CEP290: variants seen among roughly 807,000 people sequenced by gnomAD.
CEP290 encodes the protein centrosomal protein 290.
Under a neutral mutation model 344.9 loss-of-function variants are expected in CEP290, and 317 were observed. The observed-to-expected ratio is 0.92, with a 90% CI of 0.84 to 1.01. The LOEUF is 1.01. Among genes scored for constraint, CEP290 ranks in the 50% least tolerant of loss-of-function variants. The pLI, the probability that CEP290 is intolerant of heterozygous loss-of-function variation, is 0.00. For synonymous variants in CEP290, 932 were observed against 895.8 expected (o/e 1.04, Z -0.72); for missense variants, 2,754 against 2,761.4 (o/e 1.00, Z 0.06).
intron 43 of CEP290, among the ~76,000 whole-genome samples, chr12:88,069,325 A>G (rs1230442926): frequency 6.6e-6 from 1 of 152,176 alleles, no homozygotes; most frequent in Non-Finnish European, 1.5e-5. Flanking sequence ...GAGAGAAGAC[A>G]AATTCAATCT....
chr12:88,068,705 A>G, intron 43 of CEP290, 60 bp from the exon 44 acceptor site: 5 of 1,498,596 alleles, frequency 3.3e-6, no homozygotes, highest in East Asian at 2.5e-5. Context: ...CTGTTGTACT[A>G]TATAAAAATA....
chr12:88,084,213 G>C (rs999492589), intron 35 of CEP290, among the ~76,000 whole-genome samples: 2 of 151,988 alleles, frequency 1.3e-5, no homozygotes, highest in African/African-American at 4.8e-5. Flanking sequence ...CTTACTTCTA[G>C]AAAAAATTAA....
In CEP290 at chr12:88,092,838, G is replaced by C. The variant is rs774139392; in HGVS notation, c.3310-6C>G. On this transcript the variant is annotated splice_polypyrimidine_tract_variant and splice_region_variant and intron_variant, in intron 28 of 53. Coordinates refer to ENST00000552810, the MANE Select transcript of CEP290 (RefSeq NM_025114.4). Reference sequence around the variant, plus strand: ...TCCAAATTGATTTTGGTAAGCTAAGGAAATGTAACAAAAAATGTTCAGATA... The same window carrying C: ...TCCAAATTGATTTTGGTAAGCTAAGCAAATGTAACAAAAAATGTTCAGATA... 1 of 1,606,658 alleles carries C rather than the reference G, an allele frequency of 6.2e-7. No individual in the cohort carries two copies.
chr12:88,121,551 C>T (rs2039400049), intron 13 of CEP290, among the ~76,000 whole-genome samples: 1 of 149,346 alleles, frequency 6.7e-6, no homozygotes, highest in African/African-American at 2.5e-5. Flanking sequence ...CACTTACACA[C>T]AAGCAGCTAT....
At chr12:88,115,518 G>C in intron 18 of CEP290, 1 of 1,295,332 alleles carries the variant, frequency 7.7e-7, no homozygotes, top group Non-Finnish European at 1.0e-6. Context: ...CTCTATATCT[G>C]CATTTCTACA....
At chr12:88,132,643 T>C (rs2040143065) in intron 6 of CEP290, among the ~76,000 whole-genome samples, 1 of 152,140 alleles carries the variant, frequency 6.6e-6, no homozygotes, top group African/African-American at 2.4e-5. Context: ...TGTGTAAAAA[T>C]ACTGACAAAA....
intron 37 of CEP290, among the ~76,000 whole-genome samples, chr12:88,081,190 C>A (rs2036174545): frequency 2.0e-5 from 3 of 152,108 alleles, no homozygotes. Context: ...CCATGACAAT[C>A]AAAAATGTCT....
At position 88,049,037 on chromosome 12, in the gene CEP290, TTTTA is replaced by T. The variant is rs886049876; in HGVS notation, c.*143_*146del. The T allele has an allele frequency of 6.1e-5, 27 of 444,356 alleles. No individual in the cohort carries two copies. In the Middle Eastern group the frequency reaches 1.8e-3, roughly 29 times the overall value. 27.5% of individuals were successfully genotyped at this position (444,356 alleles called of 1,614,324 possible). On this transcript the variant is annotated 3_prime_UTR_variant, in exon 54 of 54. Transcript: ENST00000552810. ...ATAATAAGTTGAAAATTTCATATAATTTTATTTATTAAGAATTCCAATCTAAGTA... is the reference window on the plus strand; with the variant it reads ...ATAATAAGTTGAAAATTTCATATAATTTTATTAAGAATTCCAATCTAAGTA...
rs2034578516 is a variant in CEP290 at position 88,062,764 on chromosome 12, A to C, written c.6285T>G (p.Asp2095Glu). Residue 2095 changes from aspartate (D) to glutamate (E), a missense_variant, in exon 46 of 54, where the codon GAT becomes GAG. Coordinates refer to ENST00000552810, the MANE Select transcript of CEP290 (RefSeq NM_025114.4). Reference sequence around the variant, plus strand: ...TAAGAAATTCACACATTTCCTTCAAATCTCTGACTTGATTCTGAAAGATAA... The same window carrying C: ...TAAGAAATTCACACATTTCCTTCAACTCTCTGACTTGATTCTGAAAGATAA... ...DLPRLKNQVR[D>E]LKEMCEFLKK... 2 of 1,579,618 alleles carry C rather than the reference A, an allele frequency of 1.3e-6. No individual in the cohort carries two copies. The highest frequency in any genetic ancestry group is 2.7e-5 in the African/African-American group (2 of 74,498).
chr12:88,057,433 A>T (rs949415317), intron 49 of CEP290, among the ~76,000 whole-genome samples: 4 of 152,246 alleles, frequency 2.6e-5, no homozygotes, highest in Non-Finnish European at 5.9e-5. Flanking sequence ...TGATTATAGA[A>T]GAAAACAAAG....
chr12:88,110,505 G>A (rs950782912), intron 22 of CEP290, among the ~76,000 whole-genome samples: 1 of 152,008 alleles, frequency 6.6e-6, no homozygotes, highest in East Asian at 1.9e-4. Flanking sequence ...GAGACCAGGA[G>A]TTTGAGACCA....
At chr12:88,060,763 A>G in intron 47 of CEP290, 67 bp downstream of exon 47, 1 of 1,223,872 alleles carries the variant, frequency 8.2e-7, no homozygotes, top group Non-Finnish European at 1.1e-6. Flanking sequence ...AGCATATTTG[A>G]AATTTTCCTA....
chr12:88,072,007 T>A, intron 41 of CEP290, 81 bp from the exon 42 acceptor site: 2 of 1,289,172 alleles, frequency 1.6e-6, no homozygotes, highest in Non-Finnish European at 2.1e-6. Flanking sequence ...ATAATTTGCC[T>A]AGAAAAATTG....
At position 88,140,889 on chromosome 12, in the gene CEP290, T is replaced by C. The variant is rs183012413; in HGVS notation, c.180+67A>G. On this transcript the variant is annotated intron_variant, in intron 3 of 53. Transcript: ENST00000552810. ...AGGTATTTTCACAAAGATTACCTTATATAAGAACAGATTTTTATAGTTCCA... is the reference window on the plus strand; with the variant it reads ...AGGTATTTTCACAAAGATTACCTTACATAAGAACAGATTTTTATAGTTCCA... 6.5e-5 allele frequency: 67 copies of C among 1,027,292 alleles called. 1 individual carries two copies. In the East Asian group the frequency reaches 1.4e-3, roughly 21 times the overall value. The allele number at this position is 1,027,292 out of a possible 1,614,324, so 63.6% of individuals were successfully genotyped here. A position where few individuals can be genotyped will look rare whatever the true frequency, so the allele number is the denominator to read the frequency against.
chr12:88,106,975 T>C (rs565162072), intron 24 of CEP290, 21 bp downstream of exon 24: 4 of 1,532,314 alleles, frequency 2.6e-6, no homozygotes, highest in East Asian at 2.3e-5. Context: ...TGCATACTAA[T>C]GTTAAAAATG....
chr12:88,141,352 T>C lies in CEP290; in HGVS notation c.-27-18A>G, dbSNP rs1469677964. 1 of 1,272,052 alleles carries C rather than the reference T, an allele frequency of 7.9e-7. No individual in the cohort carries two copies. Among genetic ancestry groups the C allele is most frequent in the Non-Finnish European group, 1.1e-6 (1 of 901,262 alleles). The allele number at this position is 1,272,052 out of a possible 1,614,324, so 78.8% of individuals were successfully genotyped here. On this transcript the variant is annotated intron_variant, in intron 1 of 53. Transcript: ENST00000552810. Reference sequence around the variant, plus strand: ...CTCCACCTCTGTAACAAAACAGGTGTATATTAGCATTTTCAAGGTACACAG... The same window carrying C: ...CTCCACCTCTGTAACAAAACAGGTGCATATTAGCATTTTCAAGGTACACAG...
chr12:88,068,101 A>T (rs2035076396), intron 44 of CEP290, among the ~76,000 whole-genome samples: 1 of 152,180 alleles, frequency 6.6e-6, no homozygotes. Context: ...AAAATAATAC[A>T]CTAAATATTT....
rs115166743 is a variant in CEP290, at chr12:88,072,085, G to A, written c.5710-159C>T. On this transcript the variant is annotated intron_variant, in intron 41 of 53. Transcript: ENST00000552810. ...GCTATACAGGTTGAGTATCCCTTAC[G>A]AAACGCTTGGAACCAGCCGTGTTTT... 7.5e-3 allele frequency among the ~76,000 whole-genome samples: 1,147 copies of A among 152,086 alleles called. 20 individuals are homozygous for A. The highest frequency in any genetic ancestry group is 0.027 in the African/African-American group (1,101 of 41,496).
In CEP290 at chr12:88,096,930, GT is replaced by G; in HGVS notation, c.3060del (p.Lys1020AsnfsTer15). 6.3e-7 allele frequency: 1 copy of G among 1,583,070 alleles called. No individual in the cohort carries two copies. The highest frequency in any genetic ancestry group is 1.2e-5 in the South Asian group (1 of 86,380). ...TCCCAGGCTTGTTCAATAGTGTGAA[GT>G]TTTTCCTTGGTAATCTCCAGTTCTT... ...INKELEITKE[K>X]LHTIEQAWEQ... On this transcript the variant is annotated frameshift_variant, in exon 27 of 54. Coordinates refer to ENST00000552810, the MANE Select transcript of CEP290 (RefSeq NM_025114.4). LOFTEE classifies it high-confidence loss of function.
Sources: gnomAD v4.1 joint callset for allele counts (sites outside exome capture counted in the v4.1 genomes callset) on GRCh38, gnomAD v4.1.1 for gene constraint, MANE v1.5 for transcripts, NCBI Gene and HGNC (gene_info 2026-07-23, HGNC 2026-07-21) for gene names.